Variants in IREB2 observed in about 807,000 individuals in gnomAD.
IREB2 encodes iron-responsive element-binding protein 2.
IREB2 carries 39 observed loss-of-function variants against 118.8 expected under a neutral mutation model. That is an observed-to-expected ratio of 0.33 (90% CI 0.25 to 0.43). IREB2 has a LOEUF of 0.43. IREB2 is among the 20% of genes least tolerant of loss of function. The pLI is 1.00. For missense variants in IREB2, 900 were observed against 1,147.3 expected, an observed-to-expected ratio of 0.78 and a Z score of 3.11; for synonymous variants, 372 against 392.2, an observed-to-expected ratio of 0.95 and a Z score of 0.61.
chr15:78,443,822 T>A (rs2050883850), intron 2 of IREB2, among the ~76,000 whole-genome samples: 1 of 151,948 alleles, frequency 6.6e-6, no homozygotes, highest in Non-Finnish European at 1.5e-5. Flanking sequence ...GATTTTTTAT[T>A]TTTAGTAGAG....
rs1185953847 is a variant in IREB2, at chr15:78,500,257, C to T, written c.*2114C>T. On this transcript the variant is annotated 3_prime_UTR_variant, in exon 22 of 22. Transcript: ENST00000258886. ...TAAAGCTAGCTAACTATGAATTAAA[C>T]ATTCACATATCCAGTCTACCTGGTC... The T allele has an allele frequency of 1.3e-5, 2 of 152,194 alleles. No individual in the cohort carries two copies. The highest frequency in any genetic ancestry group is 4.8e-5 in the African/African-American group (2 of 41,444). 9.4% of individuals were successfully genotyped at this position (152,194 alleles called of 1,614,324 possible).
intron 16 of IREB2, 42 bp downstream of exon 16, chr15:78,488,813 C>T (rs763404500): frequency 1.7e-6 from 2 of 1,204,690 alleles, no homozygotes; most frequent in South Asian, 1.5e-5. Flanking sequence ...AATCAATTTG[C>T]AGTGTTCTTT....
chr15:78,458,607 A>G (rs1393341299), intron 2 of IREB2, among the ~76,000 whole-genome samples: 1 of 151,588 alleles, frequency 6.6e-6, no homozygotes, highest in Non-Finnish European at 1.5e-5. Context: ...TGCCTTCACC[A>G]CTCACCCCAT....
At chr15:78,439,942 C>G in intron 2 of IREB2, 61 bp downstream of exon 2, 1 of 1,010,390 alleles carries the variant, frequency 9.9e-7, no homozygotes, top group South Asian at 1.4e-5. Context: ...ATGCATTTGT[C>G]AAGCTGAGCT....
rs535091104 is a variant in IREB2, at chr15:78,489,156, A to C, written c.2076+385A>C. 7.6e-4 allele frequency among the ~76,000 whole-genome samples: 115 copies of C among 151,332 alleles called. 1 individual carries two copies. The highest frequency in any genetic ancestry group is 1.4e-3 in the Non-Finnish European group (93 of 67,926). On this transcript the variant is annotated intron_variant, in intron 16 of 21. Coordinates refer to ENST00000258886, the MANE Select transcript of IREB2 (RefSeq NM_004136.4). ...AGAATCACTTGAACCTGGGAGGCGG[A>C]GGTTGCGGTGATCCGAGATCGCGCC...
chr15:78,475,417 A>G (rs1566981370), intron 8 of IREB2: 1 of 152,328 alleles, frequency 6.6e-6, no homozygotes, highest in East Asian at 1.9e-4. Flanking sequence ...TGCTGTAAAC[A>G]TTTGGGCCAG....
chr15:78,479,325 ATTC>A, intron 10 of IREB2, among the ~76,000 whole-genome samples: 1 of 151,098 alleles, frequency 6.6e-6, no homozygotes, highest in Middle Eastern at 3.5e-3. Flanking sequence ...CTTTTGTTTT[ATTC>A]ATTAATTTTA....
intron 1 of IREB2, 24 bp from the exon 2 acceptor site, chr15:78,439,771 A>G: frequency 7.6e-7 from 1 of 1,324,068 alleles, no homozygotes; most frequent in Non-Finnish European, 1.1e-6. Flanking sequence ...GCTGCATTTA[A>G]TGAAAATACA....
chr15:78,479,738 T>C (rs937611086), intron 10 of IREB2, among the ~76,000 whole-genome samples: 1 of 152,182 alleles, frequency 6.6e-6, no homozygotes, highest in African/African-American at 2.4e-5. Context: ...TTGTTAGTTT[T>C]AAAGATATTT....
At chr15:78,444,093 T>C (rs1286111746) in intron 2 of IREB2, among the ~76,000 whole-genome samples, 1 of 152,166 alleles carries the variant, frequency 6.6e-6, no homozygotes, top group Non-Finnish European at 1.5e-5. Context: ...GGAGTTTTAC[T>C]GTCAACCTGG....
intron 9 of IREB2, among the ~76,000 whole-genome samples, chr15:78,477,465 C>T (rs1312691710): frequency 1.3e-5 from 2 of 152,198 alleles, no homozygotes. Context: ...GTAAGTCTAT[C>T]AGGCAAAACA....
intron 7 of IREB2, among the ~76,000 whole-genome samples, chr15:78,472,848 T>C (rs1402269397): frequency 6.6e-6 from 1 of 152,220 alleles, no homozygotes; most frequent in Non-Finnish European, 1.5e-5. Context: ...GTAAGCTTAC[T>C]CTTTCACAGG....
rs561130586 is a variant in IREB2 at position 78,463,263 on chromosome 15, A to G, written c.272+176A>G. Among the ~76,000 whole-genome samples, 3 of 152,198 alleles carry G rather than the reference A, an allele frequency of 2.0e-5. No homozygotes were observed. In the East Asian group the frequency reaches 5.8e-4, roughly 29 times the overall value. On this transcript the variant is annotated intron_variant, in intron 3 of 21. Transcript: ENST00000258886. ...CAGTCAGTCTGGGCAACATAGTGAGACGCTGTCTGTACAAAAAAATTTTTT... is the reference window on the plus strand; with the variant it reads ...CAGTCAGTCTGGGCAACATAGTGAGGCGCTGTCTGTACAAAAAAATTTTTT...
At position 78,465,395 on chromosome 15, in the gene IREB2, C is replaced by T. The variant is rs768540922; in HGVS notation, c.410+7C>T. The T allele has an allele frequency of 3.7e-6, 6 of 1,605,420 alleles. No individual in the cohort carries two copies. The Admixed American group carries it at 8.6e-5, about 23-fold the overall frequency. ...AAATTGACTTCAGTAAATGGTACTT[C>T]AATGCAGATATTTATAGACAGCCAT... is the stretch of plus-strand genomic sequence containing the variant. On this transcript the variant is annotated splice_region_variant and intron_variant, in intron 4 of 21. Coordinates refer to ENST00000258886, the MANE Select transcript of IREB2 (RefSeq NM_004136.4).
intron 2 of IREB2, among the ~76,000 whole-genome samples, chr15:78,460,743 A>G (rs1282274269): frequency 1.3e-5 from 2 of 152,188 alleles, no homozygotes; most frequent in East Asian, 3.8e-4. Context: ...CCTAATTTTT[A>G]GGAAGAGAAA....
chr15:78,453,475 T>G (rs2051057284), intron 2 of IREB2, among the ~76,000 whole-genome samples: 1 of 151,872 alleles, frequency 6.6e-6, no homozygotes, highest in Admixed American at 6.5e-5. Flanking sequence ...AGGAGCTGTT[T>G]AAATGTTGAT....
At chr15:78,457,132 T>C (rs1168061544) in intron 2 of IREB2, among the ~76,000 whole-genome samples, 1 of 152,202 alleles carries the variant, frequency 6.6e-6, no homozygotes, top group Non-Finnish European at 1.5e-5. Context: ...CCTTTTTTTG[T>C]TTGCTTAGTA....
At chr15:78,497,631 C>T (rs1316112130) in intron 21 of IREB2, among the ~76,000 whole-genome samples, 2 of 152,128 alleles carry the variant, frequency 1.3e-5, no homozygotes, top group African/African-American at 4.8e-5. Flanking sequence ...CCGAGGCATA[C>T]ATACCACTCC....
intron 10 of IREB2, among the ~76,000 whole-genome samples, chr15:78,480,510 C>G (rs2051549011): frequency 6.6e-6 from 1 of 150,902 alleles, no homozygotes; most frequent in South Asian, 2.1e-4. Context: ...TGGTGAAACC[C>G]CATCTCTACT....
Sources: gnomAD v4.1 joint callset for allele counts (sites outside exome capture counted in the v4.1 genomes callset) on GRCh38, gnomAD v4.1.1 for gene constraint, MANE v1.5 for transcripts, NCBI Gene and HGNC (gene_info 2026-07-23, HGNC 2026-07-21) for gene names.